DLC1: variants seen among roughly 807,000 people sequenced by gnomAD.
DLC1 encodes rho GTPase-activating protein 7.
In DLC1, 54 loss-of-function variants were observed where a neutral mutation model predicts 140.3. That is an observed-to-expected ratio of 0.38 (90% CI 0.31 to 0.48). The LOEUF (loss-of-function observed/expected upper bound fraction) is 0.48. Ranked by LOEUF, DLC1 falls within the 20% of genes least tolerant of loss-of-function variation. DLC1 has a pLI of 0.96. For synonymous variants in DLC1, 986 were observed against 728.1 expected (o/e 1.35, Z -5.70); for missense variants, 2,536 against 1,907.0 (o/e 1.33, Z -6.14).
chr8:13,365,649 G>A (rs772954978), intron 4 of DLC1, among the ~76,000 whole-genome samples: 6 of 152,102 alleles, frequency 3.9e-5, no homozygotes, highest in African/African-American at 1.2e-4. Flanking sequence ...GTGGTGAGAC[G>A]GTGCTCCTTC....
intron 1 of DLC1, among the ~76,000 whole-genome samples, chr8:13,537,909 C>T (rs749056426): frequency 2.6e-5 from 4 of 152,072 alleles, no homozygotes; most frequent in Non-Finnish European, 5.9e-5. Context: ...CCACCTCGGC[C>T]TCCCAAAGTT....
rs571622247 is a variant in DLC1 at position 13,156,148 on chromosome 8, GATT to G, written c.1349-40494_1349-40492del. On this transcript the variant is annotated intron_variant, in intron 5 of 17. Coordinates refer to ENST00000276297, the MANE Select transcript of DLC1 (RefSeq NM_182643.3). ...TTCAAGATTAATAATCTTTAAAATA[GATT>G]ATTATTCTTTTCTTTTGGGAAGTTA... Among the ~76,000 whole-genome samples, 608 of 152,192 alleles carry G rather than the reference GATT, an allele frequency of 4.0e-3. 1 individual carries two copies. Among genetic ancestry groups the G allele is most frequent in the African/African-American group, 0.014 (588 of 41,534 alleles).
intron 1 of DLC1, among the ~76,000 whole-genome samples, chr8:13,562,997 T>A (rs955416777): frequency 2.6e-5 from 4 of 152,218 alleles, no homozygotes; most frequent in African/African-American, 9.6e-5. Flanking sequence ...GAGACGTATT[T>A]ATATTTTCAA....
chr8:13,262,884 C>A (rs992941043), intron 5 of DLC1, among the ~76,000 whole-genome samples: 1 of 152,184 alleles, frequency 6.6e-6, no homozygotes, highest in Non-Finnish European at 1.5e-5. Flanking sequence ...AACAGAATAA[C>A]CATCACTAGT....
At chr8:13,483,139 A>G (rs756956558) in intron 2 of DLC1, among the ~76,000 whole-genome samples, 3 of 152,066 alleles carry the variant, frequency 2.0e-5, no homozygotes, top group African/African-American at 4.8e-5. Context: ...CATCGGTCCA[A>G]TCTCTGCTTC....
At chr8:13,600,560 A>G (rs952973601) in intron 1 of DLC1, among the ~76,000 whole-genome samples, 1 of 151,872 alleles carries the variant, frequency 6.6e-6, no homozygotes, top group Non-Finnish European at 1.5e-5. Flanking sequence ...CCAAATCACA[A>G]TGTGGTACAG....
intron 4 of DLC1, among the ~76,000 whole-genome samples, chr8:13,372,861 A>T (rs1245812054): frequency 4.6e-5 from 7 of 152,166 alleles, no homozygotes; most frequent in Admixed American, 3.3e-4. Context: ...ATTTATAATA[A>T]ATGTTCTTTG....
Position 13,083,623 on chromosome 8 carries a change from T to C in DLC1, c.*2188A>G, listed in dbSNP as rs185253856. 11 of 152,788 alleles carry C rather than the reference T, an allele frequency of 7.2e-5. No homozygotes were observed. The East Asian group carries it at 1.7e-3, about 24-fold the overall frequency. The allele number at this position is 152,788 out of a possible 1,614,324, so 9.5% of individuals were successfully genotyped here. A position where few individuals can be genotyped will look rare whatever the true frequency, so the allele number is the denominator to read the frequency against. On this transcript the variant is annotated 3_prime_UTR_variant, in exon 18 of 18. Coordinates refer to ENST00000276297, the MANE Select transcript of DLC1 (RefSeq NM_182643.3). The stretch of plus-strand genomic sequence containing the variant: ...CTTTTGTGGCATTCACTGGTGACCC[T>C]GACTCTGCTTGCAAGCATCTTTCTG...
At chr8:13,414,186 A>T (rs759957231) in intron 2 of DLC1, among the ~76,000 whole-genome samples, 10 of 152,318 alleles carry the variant, frequency 6.6e-5, no homozygotes, top group Middle Eastern at 3.4e-3. Flanking sequence ...ATGAGGAATT[A>T]AAAATTTTTT....
chr8:13,485,305 T>C (rs577909228), intron 2 of DLC1, among the ~76,000 whole-genome samples: 1 of 152,294 alleles, frequency 6.6e-6, no homozygotes, highest in South Asian at 2.1e-4. Context: ...TATTCACTCA[T>C]CATAAACAAA....
intron 1 of DLC1, among the ~76,000 whole-genome samples, chr8:13,603,199 T>C (rs1055355721): frequency 6.6e-6 from 1 of 151,922 alleles, no homozygotes; most frequent in Non-Finnish European, 1.5e-5. Flanking sequence ...CATTTCTATG[T>C]AGTGTTTCTA....
intron 13 of DLC1, among the ~76,000 whole-genome samples, chr8:13,091,870 T>C (rs1250330939): frequency 1.3e-5 from 2 of 152,158 alleles, no homozygotes; most frequent in African/African-American, 2.4e-5. Context: ...ACCTTTTGTC[T>C]TCATCTTATT....
chr8:13,200,585 T>TCTG (rs1827324274), intron 5 of DLC1, among the ~76,000 whole-genome samples: 1 of 152,038 alleles, frequency 6.6e-6, no homozygotes, highest in Admixed American at 6.6e-5. Context: ...GATTACAATT[T>TCTG]TTGTTGTTGT....
At chr8:13,227,743 T>C (rs1239115887) in intron 5 of DLC1, among the ~76,000 whole-genome samples, 2 of 152,230 alleles carry the variant, frequency 1.3e-5, no homozygotes, top group Non-Finnish European at 2.9e-5. Flanking sequence ...CCTGATGTCA[T>C]GTAATTATAA....
chr8:13,228,467 G>A (rs146428291), intron 5 of DLC1, among the ~76,000 whole-genome samples: 179 of 152,268 alleles, frequency 1.2e-3, no homozygotes, highest in African/African-American at 4.3e-3. Context: ...AAAGGGTCAG[G>A]CGTGATGGCT....
At chr8:13,428,527 C>T (rs1323057088) in intron 2 of DLC1, among the ~76,000 whole-genome samples, 3 of 152,146 alleles carry the variant, frequency 2.0e-5, no homozygotes, top group East Asian at 1.9e-4. Flanking sequence ...AATCATTTCT[C>T]GAACATATCT....
At chr8:13,089,018 G>A (rs974520934) in intron 15 of DLC1, among the ~76,000 whole-genome samples, 4 of 152,106 alleles carry the variant, frequency 2.6e-5, no homozygotes, top group African/African-American at 9.7e-5. Flanking sequence ...CAGCACTTTG[G>A]GAAGCCGAGG....
At chr8:13,530,679 A>G (rs1040243201) in intron 1 of DLC1, among the ~76,000 whole-genome samples, 4 of 152,198 alleles carry the variant, frequency 2.6e-5, no homozygotes, top group Non-Finnish European at 5.9e-5. Flanking sequence ...CCTAGAGTAT[A>G]GTAAATCAGA....
At chr8:13,252,125 T>C (rs1830032978) in intron 5 of DLC1, among the ~76,000 whole-genome samples, 1 of 152,190 alleles carries the variant, frequency 6.6e-6, no homozygotes, top group Non-Finnish European at 1.5e-5. Context: ...AATTTTGTCA[T>C]TGAACTTGTC....
Sources: gnomAD v4.1 joint callset for allele counts (sites outside exome capture counted in the v4.1 genomes callset) on GRCh38, gnomAD v4.1.1 for gene constraint, MANE v1.5 for transcripts, NCBI Gene and HGNC (gene_info 2026-07-23, HGNC 2026-07-21) for gene names.